CCSER1: variants seen among roughly 807,000 people sequenced by gnomAD.
CCSER1 encodes the protein coiled-coil serine rich protein 1.
CCSER1 carries 41 observed loss-of-function variants against 82.0 expected under a neutral mutation model. The observed-to-expected ratio is 0.50, with a 90% CI of 0.39 to 0.65. CCSER1 has a LOEUF of 0.65. CCSER1 is among the 30% of genes least tolerant of loss of function. The pLI is 0.00. For missense variants in CCSER1, 1,119 were observed against 1,064.2 expected (o/e 1.05, Z -0.72); for synonymous variants, 414 against 383.9 (o/e 1.08, Z -0.92).
intron 1 of CCSER1, among the ~76,000 whole-genome samples, chr4:90,301,022 T>C (rs1230510845): frequency 6.6e-6 from 1 of 151,954 alleles, no homozygotes; most frequent in Non-Finnish European, 1.5e-5. Context: ...TTCTAAGAGA[T>C]GGGTTCTCCC....
At chr4:91,096,635 T>C (rs1350286514) in intron 10 of CCSER1, among the ~76,000 whole-genome samples, 1 of 152,192 alleles carries the variant, frequency 6.6e-6, no homozygotes, top group Non-Finnish European at 1.5e-5. Context: ...CCAATCTATT[T>C]CACACAAAGT....
intron 7 of CCSER1, among the ~76,000 whole-genome samples, chr4:90,789,434 CA>C (rs760314878): frequency 3.3e-5 from 5 of 152,082 alleles, no homozygotes; most frequent in Admixed American, 6.5e-5. Flanking sequence ...TAGTGATTCT[CA>C]AATCTCCATT....
At chr4:90,290,311 C>T (rs1020649000) in intron 1 of CCSER1, among the ~76,000 whole-genome samples, 5 of 151,346 alleles carry the variant, frequency 3.3e-5, no homozygotes, top group Admixed American at 1.3e-4. Context: ...TTTATATTAC[C>T]GAACATTTAT....
chr4:90,854,409 G>A (rs1411845124), intron 8 of CCSER1, among the ~76,000 whole-genome samples: 1 of 152,126 alleles, frequency 6.6e-6, no homozygotes, highest in Non-Finnish European at 1.5e-5. Context: ...TTGTTGCTTT[G>A]TTATTGCTCA....
intron 6 of CCSER1, among the ~76,000 whole-genome samples, chr4:90,641,528 A>T (rs745396808): frequency 2.0e-5 from 3 of 152,060 alleles, no homozygotes; most frequent in Non-Finnish European, 2.9e-5. Context: ...CTCACTTTCC[A>T]AGTGTATGTA....
chr4:90,335,353 CTAAT>C (rs755689370), intron 3 of CCSER1, among the ~76,000 whole-genome samples: 1 of 152,018 alleles, frequency 6.6e-6, no homozygotes, highest in African/African-American at 2.4e-5. Flanking sequence ...AGATGACAGA[CTAAT>C]TAATTAATGA....
chr4:90,379,354 C>T (rs1337930702), intron 3 of CCSER1, among the ~76,000 whole-genome samples: 2 of 152,180 alleles, frequency 1.3e-5, no homozygotes, highest in Admixed American at 6.6e-5. Flanking sequence ...TCTAACATAA[C>T]TCCAAAGGAG....
At chr4:90,926,801 A>G (rs1729122858) in intron 9 of CCSER1, among the ~76,000 whole-genome samples, 1 of 152,086 alleles carries the variant, frequency 6.6e-6, no homozygotes, top group South Asian at 2.1e-4. Flanking sequence ...CTGTCTGCAC[A>G]GGCTTAGTTT....
At chr4:90,823,852 C>G (rs931782314) in intron 8 of CCSER1, among the ~76,000 whole-genome samples, 7 of 151,698 alleles carry the variant, frequency 4.6e-5, no homozygotes, top group Non-Finnish European at 8.8e-5. Flanking sequence ...TCTGCAGACT[C>G]TTTTTTTATT....
intron 9 of CCSER1, among the ~76,000 whole-genome samples, chr4:91,034,016 G>T (rs1247613448): frequency 6.6e-6 from 1 of 152,122 alleles, no homozygotes; most frequent in Non-Finnish European, 1.5e-5. Flanking sequence ...TTTGGAATTG[G>T]TTTTAAATAA....
intron 5 of CCSER1, among the ~76,000 whole-genome samples, chr4:90,501,588 A>T (rs1013039091): frequency 2.6e-5 from 4 of 152,200 alleles, no homozygotes; most frequent in African/African-American, 9.7e-5. Flanking sequence ...CAGTGGGAAA[A>T]TGTCAGTGGA....
At chr4:90,617,064 T>A (rs1045103352) in intron 5 of CCSER1, among the ~76,000 whole-genome samples, 1 of 152,186 alleles carries the variant, frequency 6.6e-6, no homozygotes, top group African/African-American at 2.4e-5. Flanking sequence ...AAAGGTGACA[T>A]AATTTAAAAT....
rs1482491170 is a variant in CCSER1, at chr4:91,593,912, G to A, written c.2218-4660G>A. ...TATGTTTTAAAATTAGTATTTTCTTGCATTTGATGAAATACAGGCTATATG... is the reference window on the plus strand; with the variant it reads ...TATGTTTTAAAATTAGTATTTTCTTACATTTGATGAAATACAGGCTATATG... On this transcript the variant is annotated intron_variant, in intron 10 of 10. Coordinates refer to ENST00000509176, the MANE Select transcript of CCSER1 (RefSeq NM_001145065.2). Among the ~76,000 whole-genome samples, 3 of 152,020 alleles carry A rather than the reference G, an allele frequency of 2.0e-5. No individual in the cohort carries two copies. The East Asian group carries it at 5.8e-4, about 29-fold the overall frequency.
chr4:90,926,140 C>A (rs1729035705), intron 9 of CCSER1, among the ~76,000 whole-genome samples: 1 of 151,794 alleles, frequency 6.6e-6, no homozygotes, highest in Admixed American at 6.6e-5. Context: ...ATCATTTATT[C>A]TTCAATTTAT....
chr4:91,079,219 A>C (rs757979513), intron 9 of CCSER1, among the ~76,000 whole-genome samples: 8 of 152,220 alleles, frequency 5.3e-5, no homozygotes, highest in Non-Finnish European at 8.8e-5. Flanking sequence ...GACTAACAGC[A>C]GATCTCTCAG....
chr4:90,918,247 T>C (rs779518981), intron 8 of CCSER1: 1 of 455,752 alleles, frequency 2.2e-6, no homozygotes. Flanking sequence ...AGCAAACTAC[T>C]ACACGTAGGC....
chr4:90,225,231 A>ATT lies in CCSER1; in HGVS notation c.-41-82989_-41-82988dup, dbSNP rs57188209. 1.7e-3 allele frequency among the ~76,000 whole-genome samples: 188 copies of ATT among 111,808 alleles called. 1 individual carries two copies. The highest frequency in any genetic ancestry group is 2.0e-3 in the Non-Finnish European group (113 of 55,334). The allele number at this position is 111,808 out of a possible 152,430, so 73.4% of individuals were successfully genotyped here. A position where few individuals can be genotyped will look rare whatever the true frequency, so the allele number is the denominator to read the frequency against. The stretch of plus-strand genomic sequence containing the variant: ...CGGTGCACACCAGCATACCCGGCTA[A>ATT]TTTTTTTTTTTTTTTTTTTTTTTTT... On this transcript the variant is annotated intron_variant, in intron 1 of 10. Transcript: ENST00000509176.
At chr4:90,188,481 GA>G (rs921645536) in intron 1 of CCSER1, among the ~76,000 whole-genome samples, 3 of 135,144 alleles carry the variant, frequency 2.2e-5, no homozygotes, top group Non-Finnish European at 3.1e-5. Flanking sequence ...AATAAATGCT[GA>G]AATGTGAAAA....
chr4:91,141,438 C>G (rs530725220), intron 10 of CCSER1, among the ~76,000 whole-genome samples: 6 of 152,154 alleles, frequency 3.9e-5, no homozygotes, highest in Non-Finnish European at 7.3e-5. Context: ...AGGCATGAAC[C>G]ACCATGCCTG....
Sources: gnomAD v4.1 joint callset for allele counts (sites outside exome capture counted in the v4.1 genomes callset) on GRCh38, gnomAD v4.1.1 for gene constraint, MANE v1.5 for transcripts, NCBI Gene and HGNC (gene_info 2026-07-23, HGNC 2026-07-21) for gene names.